Variants in ABCA3 observed in about 807,000 individuals in gnomAD.
ABCA3 encodes ATP binding cassette subfamily A member 3, also known as phospholipid-transporting ATPase ABCA3.
Under a neutral mutation model 172.8 loss-of-function variants are expected in ABCA3, and 88 were observed. That is an observed-to-expected ratio of 0.51 (90% confidence interval 0.43 to 0.61). The LOEUF (loss-of-function observed/expected upper bound fraction) is 0.61, where lower values mean the gene tolerates loss of function less well. ABCA3 is among the 20% of genes least tolerant of loss of function. ABCA3 has a pLI of 0.00. For synonymous variants in ABCA3, 1,066 were observed against 983.8 expected (o/e 1.08, Z -1.56); for missense variants, 2,164 against 2,301.0 (o/e 0.94, Z 1.22).
At chr16:2,304,797 T>C (rs1181262507) in intron 11 of ABCA3, among the ~76,000 whole-genome samples, 1 of 151,618 alleles carries the variant, frequency 6.6e-6, no homozygotes, top group Non-Finnish European at 1.5e-5. Flanking sequence ...TGCCTCAGCC[T>C]CCTGAGTAGC....
At chr16:2,309,722 G>A (rs909371881) in intron 10 of ABCA3, among the ~76,000 whole-genome samples, 13 of 152,062 alleles carry the variant, frequency 8.5e-5, no homozygotes, top group Admixed American at 2.6e-4. Flanking sequence ...GGCCCAAGAA[G>A]TCCTCCCACC....
intron 3 of ABCA3, among the ~76,000 whole-genome samples, chr16:2,327,506 G>GC (rs2093736177): frequency 3.9e-5 from 6 of 152,200 alleles, no homozygotes; most frequent in Admixed American, 3.9e-4. Context: ...GATTTCTAAG[G>GC]TTTGGAGAGA....
intron 1 of ABCA3, among the ~76,000 whole-genome samples, chr16:2,335,212 G>A (rs1347670635): frequency 5.9e-5 from 9 of 152,090 alleles, no homozygotes; most frequent in African/African-American, 2.2e-4. Flanking sequence ...CAAATGGGGT[G>A]GGCTAGACAA....
intron 5 of ABCA3, among the ~76,000 whole-genome samples, chr16:2,324,805 C>T (rs1037460670): frequency 3.3e-5 from 5 of 152,106 alleles, no homozygotes; most frequent in African/African-American, 1.2e-4. Context: ...TGCAGCAAGG[C>T]CCAGGGGAGC....
chr16:2,289,264 C>T (rs768619797), intron 20 of ABCA3, 170 bp downstream of exon 20: 191 of 748,374 alleles, frequency 2.6e-4, no homozygotes, highest in Non-Finnish European at 3.5e-4. Flanking sequence ...TCAAACGCTT[C>T]TCCCTGCCGA....
At chr16:2,296,074 T>C (rs961952922) in intron 17 of ABCA3, among the ~76,000 whole-genome samples, 2 of 152,126 alleles carry the variant, frequency 1.3e-5, no homozygotes, top group African/African-American at 4.8e-5. Flanking sequence ...GCTTCTGTCT[T>C]GTGGGGTTAA....
rs755482452 is a variant in ABCA3, at chr16:2,298,425, G to A, written c.1857C>T (p.Asp619=). 1.8e-5 allele frequency: 29 copies of A among 1,614,020 alleles called. No homozygotes were observed. Among genetic ancestry groups the A allele is most frequent in the Middle Eastern group, 1.6e-4 (1 of 6,084 alleles). The change falls in exon 15 of 33, where the codon GAC becomes GAT. Residue 619 remains aspartate, a synonymous_variant. Transcript: ENST00000301732. The part of the protein sequence containing the change: ...GLCPQHDILF[D]NLTVAEHLYF... The stretch of plus-strand genomic sequence containing the variant: ...AAAGGTGCTCTGCGACTGTCAAGTT[G>A]TCAAACAGGATGTCGTGCTGCGGGC...
At chr16:2,300,943 C>T (rs2093687918) in intron 12 of ABCA3, among the ~76,000 whole-genome samples, 2 of 152,140 alleles carry the variant, frequency 1.3e-5, no homozygotes. Flanking sequence ...AATCAGAATG[C>T]ATCTTGGCTG....
Position 2,285,094 on chromosome 16 carries a change from C to T in ABCA3, c.3484-96G>A. On this transcript the variant is annotated intron_variant, in intron 23 of 32. Transcript: ENST00000301732. The surrounding 1 kb of genome is among the most constrained non-coding windows in gnomAD (Gnocchi z 4.7). ...GAGGAGCATTTGGAGGTCCTCAGAC[C>T]CCTCCCGGTCAGCTGGCCCATGTCC... The T allele has an allele frequency of 2.2e-6, 3 of 1,360,484 alleles. No individual in the cohort carries two copies. The highest frequency in any genetic ancestry group is 3.0e-6 in the Non-Finnish European group (3 of 984,662). The allele number at this position is 1,360,484 out of a possible 1,614,324, so 84.3% of individuals were successfully genotyped here.
intron 10 of ABCA3, 109 bp downstream of exon 10, chr16:2,317,159 TCAGCTCCTCCCTGGG>T: frequency 7.0e-7 from 1 of 1,427,984 alleles, no homozygotes; most frequent in South Asian, 1.2e-5. Flanking sequence ...CTTCCCCTGG[TCAGCTCCTCCCTGGG>T]CAGCTCCACC....
intron 12 of ABCA3, 79 bp downstream of exon 12, chr16:2,303,890 G>C (rs2093693437): frequency 6.5e-7 from 1 of 1,530,786 alleles, no homozygotes; most frequent in South Asian, 1.1e-5. Flanking sequence ...TGGGGACTCA[G>C]AGGGGTCCCT....
Position 2,278,669 on chromosome 16 carries a change from C to T in ABCA3, c.4548-211G>A, listed in dbSNP as rs548706024. Among the ~76,000 whole-genome samples, 18 of 152,330 alleles carry T rather than the reference C, an allele frequency of 1.2e-4. 1 individual carries two copies. In the South Asian group the frequency reaches 3.5e-3, roughly 30 times the overall value. On this transcript the variant is annotated intron_variant, in intron 29 of 32. Coordinates refer to ENST00000301732, the MANE Select transcript of ABCA3 (RefSeq NM_001089.3). The surrounding 1 kb of genome is among the most constrained non-coding windows in gnomAD (Gnocchi z 4.4). The stretch of plus-strand genomic sequence containing the variant: ...AGGCTGTTCCCAGGGGCCCGGTGCA[C>T]GCACCTACATGGGAAGACATCTGCC...
chr16:2,339,953 C>G (rs545914379), intron 1 of ABCA3, among the ~76,000 whole-genome samples: 1 of 152,380 alleles, frequency 6.6e-6, no homozygotes, highest in African/African-American at 2.4e-5. Context: ...CTGCCACAAG[C>G]CCCTCCGCCT....
rs1371131951 is a variant in ABCA3 at position 2,284,909 on chromosome 16, G to A, written c.3573C>T (p.Ala1191=). ...TCATCAGGTACATGAGGGGGATGAT[G>A]GCCCAGCCGTAGAGCAGGAGCAGCA... ...TLLLLLLYGW[A]IIPLMYLMNF... is the part of the protein sequence containing the mutation. The change falls in exon 24 of 33, where the codon GCC becomes GCT. Residue 1191 remains alanine, a synonymous_variant. Transcript: ENST00000301732. This position sits in a 1 kb window ranked among gnomAD's most constrained non-coding sequence, Gnocchi z 5.9. 3 of 1,613,768 alleles carry A rather than the reference G, an allele frequency of 1.9e-6. No individual in the cohort carries two copies. Among genetic ancestry groups the A allele is most frequent in the Non-Finnish European group, 1.7e-6 (2 of 1,180,018 alleles).
Position 2,277,318 on chromosome 16 carries a change from G to A in ABCA3, c.4983+279C>T, listed in dbSNP as rs1232326689. 6.6e-6 allele frequency among the ~76,000 whole-genome samples: 1 copy of A among 152,146 alleles called. No individual in the cohort carries two copies. The highest frequency in any genetic ancestry group is 1.9e-4 in the East Asian group (1 of 5,202). On this transcript the variant is annotated intron_variant, in intron 32 of 32. Coordinates refer to ENST00000301732, the MANE Select transcript of ABCA3 (RefSeq NM_001089.3). This position sits in a 1 kb window ranked among gnomAD's most constrained non-coding sequence, Gnocchi z 5.3. ...TGCCCAGGCTGGTCTAGAACTCCCAGGCTTAAGCAATCCTCCCTCCTCGGC... is the reference window on the plus strand; with the variant it reads ...TGCCCAGGCTGGTCTAGAACTCCCAAGCTTAAGCAATCCTCCCTCCTCGGC...
At chr16:2,290,638 T>C (rs1182910087) in intron 19 of ABCA3, among the ~76,000 whole-genome samples, 1 of 152,202 alleles carries the variant, frequency 6.6e-6, no homozygotes, top group Non-Finnish European at 1.5e-5. Context: ...TCAACCAGGA[T>C]TCACAGAATC....
At chr16:2,318,360 C>G (rs747911327) in intron 8 of ABCA3, among the ~76,000 whole-genome samples, 1 of 152,176 alleles carries the variant, frequency 6.6e-6, no homozygotes, top group Non-Finnish European at 1.5e-5. Flanking sequence ...TGAGGAAACC[C>G]AGTTCCTTCA....
chr16:2,299,325 A>T, intron 14 of ABCA3, 78 bp downstream of exon 14: 1 of 1,591,246 alleles, frequency 6.3e-7, no homozygotes, highest in East Asian at 2.2e-5. Flanking sequence ...CCATTGAGGG[A>T]GTGAGGCGGG....
chr16:2,335,426 T>G (rs2093750239), intron 1 of ABCA3, among the ~76,000 whole-genome samples: 1 of 151,958 alleles, frequency 6.6e-6, no homozygotes, highest in East Asian at 1.9e-4. Context: ...ACTACAGGCA[T>G]GTACCACCAC....
Sources: gnomAD v4.1 joint callset for allele counts (sites outside exome capture counted in the v4.1 genomes callset) on GRCh38, gnomAD v4.1.1 for gene constraint, Gnocchi (gnomAD v3.1) non-coding constraint, MANE v1.5 for transcripts, NCBI Gene and HGNC (gene_info 2026-07-23, HGNC 2026-07-21) for gene names.